The following RBFOX3 variants were observed in gnomAD, a reference collection of about 807,000 sequenced individuals.
RBFOX3 encodes the protein RNA binding fox-1 homolog 3.
Under a neutral mutation model 48.7 loss-of-function variants are expected in RBFOX3, and 17 were observed. That is an observed-to-expected ratio of 0.35 (90% confidence interval 0.24 to 0.52). The LOEUF is 0.52. RBFOX3 is among the 20% of genes least tolerant of loss of function. The pLI is 0.94. For synonymous variants in RBFOX3, 212 were observed against 209.5 expected, an observed-to-expected ratio of 1.01 and a Z score of -0.10; for missense variants, 382 against 497.5, an observed-to-expected ratio of 0.77 and a Z score of 2.21.
At chr17:79,264,972 G>A (rs557385350) in intron 3 of RBFOX3, among the ~76,000 whole-genome samples, 13 of 151,984 alleles carry the variant, frequency 8.6e-5, no homozygotes, top group Admixed American at 5.2e-4. Context: ...AGGAGGGGGG[G>A]GGGGCGCAGA....
At chr17:79,340,388 GC>G (rs2081900717) in intron 2 of RBFOX3, among the ~76,000 whole-genome samples, 1 of 152,090 alleles carries the variant, frequency 6.6e-6, no homozygotes, top group South Asian at 2.1e-4. Context: ...CCTTCCGCAA[GC>G]CCCACCTCCC....
chr17:79,470,648 G>T, intron 2 of RBFOX3, among the ~76,000 whole-genome samples: 1 of 152,004 alleles, frequency 6.6e-6, no homozygotes, highest in East Asian at 1.9e-4. Context: ...TGGCCACACA[G>T]CCCACGCATG....
chr17:79,500,114 T>C (rs958282084), intron 1 of RBFOX3, among the ~76,000 whole-genome samples: 2,125 of 152,108 alleles, frequency 0.014, 51 homozygotes, highest in African/African-American at 0.05. Context: ...GGATGAAAGA[T>C]CCATAGAGCA....
intron 1 of RBFOX3, among the ~76,000 whole-genome samples, chr17:79,558,401 G>C (rs1037010898): frequency 6.6e-6 from 1 of 152,244 alleles, no homozygotes; most frequent in South Asian, 2.1e-4. Flanking sequence ...GGAACCGTCC[G>C]GAGGGTCCAG....
intron 2 of RBFOX3, among the ~76,000 whole-genome samples, chr17:79,355,406 G>A (rs935936289): frequency 5.3e-5 from 8 of 152,106 alleles, no homozygotes; most frequent in African/African-American, 1.9e-4. Context: ...TGGGATACCC[G>A]CCCCCGTTTC....
intron 2 of RBFOX3, among the ~76,000 whole-genome samples, chr17:79,315,496 GC>G (rs1184947445): frequency 3.9e-5 from 6 of 152,234 alleles, no homozygotes; most frequent in Admixed American, 3.3e-4. Flanking sequence ...GATGGGACCC[GC>G]AGGGGTAGGG....
intron 2 of RBFOX3, among the ~76,000 whole-genome samples, chr17:79,449,155 G>A (rs188855339): frequency 2.6e-4 from 39 of 152,200 alleles, no homozygotes; most frequent in Admixed American, 1.2e-3. Context: ...CCCTGAAGCT[G>A]AGAGGTTCGG....
intron 9 of RBFOX3, chr17:79,098,121 G>A (rs980652097): frequency 4.7e-6 from 1 of 211,652 alleles, no homozygotes; most frequent in African/African-American, 2.2e-5. Context: ...CTGGGATGAG[G>A]GTTTCTGGAG....
intron 3 of RBFOX3, among the ~76,000 whole-genome samples, chr17:79,281,281 G>C (rs1026979284): frequency 6.7e-6 from 1 of 150,002 alleles, no homozygotes; most frequent in Admixed American, 6.6e-5. Flanking sequence ...GCTTGGATGC[G>C]TGTGGTTAGC....
intron 3 of RBFOX3, among the ~76,000 whole-genome samples, chr17:79,304,559 G>A (rs1192752133): frequency 6.6e-6 from 1 of 151,170 alleles, no homozygotes; most frequent in African/African-American, 2.4e-5. Flanking sequence ...TGAGGTGTGA[G>A]CTGTGGTTAT....
chr17:79,216,057 G>A (rs532611098), intron 4 of RBFOX3, among the ~76,000 whole-genome samples: 20 of 152,362 alleles, frequency 1.3e-4, no homozygotes, highest in South Asian at 1.0e-3. Flanking sequence ...GCCCCCAAGC[G>A]TCCTCAGCCC....
At chr17:79,309,835 G>T (rs1315177798) in intron 2 of RBFOX3, among the ~76,000 whole-genome samples, 2 of 152,098 alleles carry the variant, frequency 1.3e-5, no homozygotes, top group Admixed American at 1.3e-4. Flanking sequence ...CATGTAAGAC[G>T]CACCTCACTT....
chr17:79,187,698 A>G (rs2053691843), intron 4 of RBFOX3, among the ~76,000 whole-genome samples: 1 of 152,128 alleles, frequency 6.6e-6, no homozygotes, highest in African/African-American at 2.4e-5. Context: ...CTGTATCACC[A>G]TGGAACACTT....
chr17:79,265,171 G>T (rs2066485887), intron 3 of RBFOX3, among the ~76,000 whole-genome samples: 1 of 152,154 alleles, frequency 6.6e-6, no homozygotes, highest in Non-Finnish European at 1.5e-5. Context: ...CAGTTCCAAA[G>T]AACAAAACCC....
chr17:79,329,478 G>C (rs575599794), intron 2 of RBFOX3, among the ~76,000 whole-genome samples: 1 of 152,092 alleles, frequency 6.6e-6, no homozygotes, highest in African/African-American at 2.4e-5. Context: ...ATGGTGTTAC[G>C]TGGCCACGCC....
intron 3 of RBFOX3, among the ~76,000 whole-genome samples, chr17:79,272,930 T>A (rs566309632): frequency 9.2e-5 from 14 of 151,532 alleles, no homozygotes; most frequent in African/African-American, 3.1e-4. Flanking sequence ...GCCACCCCAG[T>A]ACCAGGAGCC....
chr17:79,180,379 A>G (rs899820179), intron 4 of RBFOX3, among the ~76,000 whole-genome samples: 3 of 152,236 alleles, frequency 2.0e-5, no homozygotes, highest in African/African-American at 7.2e-5. Context: ...ATGTGCCTCA[A>G]ACTACGTCTC....
intron 1 of RBFOX3, among the ~76,000 whole-genome samples, chr17:79,509,071 G>C (rs2083655391): frequency 6.6e-6 from 1 of 152,142 alleles, no homozygotes; most frequent in Non-Finnish European, 1.5e-5. Flanking sequence ...CACTAGTATT[G>C]TAACAGCGTT....
chr17:79,536,180 G>A (rs891205965), intron 1 of RBFOX3, among the ~76,000 whole-genome samples: 41 of 152,126 alleles, frequency 2.7e-4, no homozygotes, highest in Admixed American at 6.5e-4. Context: ...AGGCTCAAGC[G>A]ATTCTCCTGC....
Sources: gnomAD v4.1 joint callset for allele counts (sites outside exome capture counted in the v4.1 genomes callset) on GRCh38, gnomAD v4.1.1 for gene constraint, MANE v1.5 for transcripts, NCBI Gene and HGNC (gene_info 2026-07-23, HGNC 2026-07-21) for gene names.